CYTH1: variants seen among roughly 807,000 people sequenced by gnomAD.
CYTH1 encodes the protein cytohesin 1.
A neutral mutation model predicts 61.8 loss-of-function variants in CYTH1; 18 were observed. The ratio of observed to expected loss-of-function variants is 0.29; its 90% CI spans 0.20 to 0.43. CYTH1 has a LOEUF of 0.43. Among genes scored for constraint, CYTH1 ranks in the 20% least tolerant of loss-of-function variants. The probability of loss-of-function intolerance (pLI) is 1.00; values close to 1 mark genes in which losing one functional copy is unlikely to be tolerated. For missense variants in CYTH1, 336 were observed against 510.5 expected, an observed-to-expected ratio of 0.66 and a Z score of 3.29; for synonymous variants, 174 against 184.3, an observed-to-expected ratio of 0.94 and a Z score of 0.45.
intron 1 of CYTH1, among the ~76,000 whole-genome samples, chr17:78,730,339 C>A (rs1433261936): frequency 2.9e-5 from 4 of 138,152 alleles, no homozygotes; most frequent in African/African-American, 1.1e-4. Flanking sequence ...TCCTGGCTAA[C>A]ACGGTGAAAC....
chr17:78,774,485 A>G (rs2093483552), intron 1 of CYTH1, among the ~76,000 whole-genome samples: 3 of 152,160 alleles, frequency 2.0e-5, no homozygotes, highest in South Asian at 4.1e-4. Context: ...AGAGTTGAGG[A>G]AAAAAACTCA....
At chr17:78,703,622 A>T (rs182817091) in intron 3 of CYTH1, among the ~76,000 whole-genome samples, 3 of 152,232 alleles carry the variant, frequency 2.0e-5, no homozygotes, top group African/African-American at 7.2e-5. Context: ...GGCAACTATT[A>T]ATCTATTGTC....
Position 78,756,304 on chromosome 17 carries a change from G to C in CYTH1, c.22+25898C>G, listed in dbSNP as rs1053109275. Among the ~76,000 whole-genome samples, 4 of 152,012 alleles carry C rather than the reference G, an allele frequency of 2.6e-5. No individual in the cohort carries two copies. The East Asian group carries it at 5.8e-4, about 22-fold the overall frequency. On this transcript the variant is annotated intron_variant, in intron 1 of 13. Coordinates refer to ENST00000446868, the MANE Select transcript of CYTH1 (RefSeq NM_004762.6). The stretch of plus-strand genomic sequence containing the variant: ...TTGGCCAGGCTGGTCTTGAACACCT[G>C]ATCTCAAGTGATCCACTCGCCTCGG...
intron 9 of CYTH1, 144 bp downstream of exon 9, chr17:78,698,125 A>G (rs1394578735): frequency 4.2e-6 from 3 of 711,814 alleles, no homozygotes; most frequent in East Asian, 2.7e-5. Context: ...GTGAACATGC[A>G]TGCGCGTGCA....
At chr17:78,705,418 C>T (rs570551874) in intron 3 of CYTH1, among the ~76,000 whole-genome samples, 1 of 152,292 alleles carries the variant, frequency 6.6e-6, no homozygotes, top group African/African-American at 2.4e-5. Context: ...GTCTGACACC[C>T]CAGTTAAGGT....
At chr17:78,756,999 T>C (rs1205910369) in intron 1 of CYTH1, among the ~76,000 whole-genome samples, 1 of 147,994 alleles carries the variant, frequency 6.8e-6, no homozygotes, top group Non-Finnish European at 1.5e-5. Flanking sequence ...TTTTTTTTTT[T>C]TTTTTTTGAG....
rs2092997169 is a variant in CYTH1, at chr17:78,700,518, T to C, written c.438-75A>G. 5.7e-6 allele frequency: 7 copies of C among 1,221,934 alleles called. No individual in the cohort carries two copies. The Middle Eastern group carries it at 1.3e-3, about 236-fold the overall frequency. 75.7% of individuals were successfully genotyped at this position (1,221,934 alleles called of 1,614,324 possible). A position where few individuals can be genotyped will look rare whatever the true frequency, so the allele number is the denominator to read the frequency against. On this transcript the variant is annotated intron_variant, in intron 6 of 13. Transcript: ENST00000446868. This position sits in a 1 kb window ranked among gnomAD's most constrained non-coding sequence, Gnocchi z 5.1. ...TCTCTATGAATTGTTAAACTGCCAA[T>C]GATTTTTTTTTTCTTTTTTTTTTTG...
chr17:78,777,063 T>A (rs554514410), intron 1 of CYTH1, among the ~76,000 whole-genome samples: 2 of 150,838 alleles, frequency 1.3e-5, no homozygotes, highest in Non-Finnish European at 3.0e-5. Context: ...AGGCGGAGGT[T>A]GCGGTGAGCC....
In CYTH1 at chr17:78,760,485, GTA is replaced by G. The variant is rs1206952618; in HGVS notation, c.22+21715_22+21716del. Among the ~76,000 whole-genome samples, 74 of 32,700 alleles carry G rather than the reference GTA, an allele frequency of 2.3e-3. 7 individuals are homozygous for G. The highest frequency in any genetic ancestry group is 8.5e-3 in the South Asian group (12 of 1,408). The allele number at this position is 32,700 out of a possible 152,430, so 21.5% of individuals were successfully genotyped here. ...CATATATATATGTATATATATGTAT[GTA>G]TATATATATACATATATATGTATAT... On this transcript the variant is annotated intron_variant, in intron 1 of 13. Coordinates refer to ENST00000446868, the MANE Select transcript of CYTH1 (RefSeq NM_004762.6).
chr17:78,719,769 C>G (rs894684094), intron 1 of CYTH1, among the ~76,000 whole-genome samples: 1 of 152,112 alleles, frequency 6.6e-6, no homozygotes, highest in Non-Finnish European at 1.5e-5. Context: ...ATGGATGTAG[C>G]AAAGGGGTGT....
At chr17:78,771,145 C>A (rs2093469826) in intron 1 of CYTH1, among the ~76,000 whole-genome samples, 1 of 152,224 alleles carries the variant, frequency 6.6e-6, no homozygotes, top group African/African-American at 2.4e-5. Flanking sequence ...CGCCTGTAAT[C>A]CCAGCTACTC....
At chr17:78,746,802 T>C (rs2093361051) in intron 1 of CYTH1, among the ~76,000 whole-genome samples, 1 of 151,940 alleles carries the variant, frequency 6.6e-6, no homozygotes, top group Non-Finnish European at 1.5e-5. Flanking sequence ...ATTAGCTGGC[T>C]GTGGTGGTGC....
chr17:78,681,889 AAG>A (rs2092768245), intron 11 of CYTH1, among the ~76,000 whole-genome samples: 1 of 152,116 alleles, frequency 6.6e-6, no homozygotes, highest in Middle Eastern at 3.2e-3. Context: ...AAAAGCGAAA[AAG>A]AGTCTTTCAG....
intron 1 of CYTH1, among the ~76,000 whole-genome samples, chr17:78,718,044 T>C (rs768099373): frequency 6.6e-6 from 1 of 152,106 alleles, no homozygotes; most frequent in Non-Finnish European, 1.5e-5. Flanking sequence ...AGCCCTCATT[T>C]GCGGAGAAGG....
intron 1 of CYTH1, among the ~76,000 whole-genome samples, chr17:78,722,690 C>T (rs1450635038): frequency 1.3e-5 from 2 of 152,166 alleles, no homozygotes; most frequent in African/African-American, 4.8e-5. Flanking sequence ...CTTTGTAATG[C>T]TCTGAATTTT....
At chr17:78,761,063 C>T (rs774206891) in intron 1 of CYTH1, among the ~76,000 whole-genome samples, 1 of 151,166 alleles carries the variant, frequency 6.6e-6, no homozygotes, top group Non-Finnish European at 1.5e-5. Flanking sequence ...CTCGAACTCC[C>T]GACCTTGTGA....
rs1555606060 is a variant in CYTH1, at chr17:78,700,520, A to AC, written c.438-78_438-77insG. 1.9e-6 allele frequency: 2 copies of AC among 1,050,490 alleles called. No homozygotes were observed. The highest frequency in any genetic ancestry group is 2.7e-6 in the Non-Finnish European group (2 of 748,404). 65.1% of individuals were successfully genotyped at this position (1,050,490 alleles called of 1,614,324 possible). ...TCTATGAATTGTTAAACTGCCAATG[A>AC]TTTTTTTTTTCTTTTTTTTTTTGAG... On this transcript the variant is annotated intron_variant, in intron 6 of 13. Transcript: ENST00000446868. The surrounding 1 kb of genome is among the most constrained non-coding windows in gnomAD (Gnocchi z 5.1).
intron 1 of CYTH1, among the ~76,000 whole-genome samples, chr17:78,774,540 T>C: frequency 6.6e-6 from 1 of 152,192 alleles, no homozygotes. Flanking sequence ...CTTGGTTCAA[T>C]CCATTATTCC....
At chr17:78,699,371 A>G (rs539621124) in intron 7 of CYTH1, among the ~76,000 whole-genome samples, 2 of 152,136 alleles carry the variant, frequency 1.3e-5, no homozygotes, top group Non-Finnish European at 2.9e-5. Context: ...CTCAGAAAAA[A>G]AAAAAAAAAC....
Sources: gnomAD v4.1 joint callset for allele counts (sites outside exome capture counted in the v4.1 genomes callset) on GRCh38, gnomAD v4.1.1 for gene constraint, Gnocchi (gnomAD v3.1) non-coding constraint, MANE v1.5 for transcripts, NCBI Gene and HGNC (gene_info 2026-07-23, HGNC 2026-07-21) for gene names.